The following DNM2 variants were observed in gnomAD, a reference collection of about 807,000 sequenced individuals.
The protein encoded by DNM2 is dynamin 2.
A neutral mutation model predicts 99.0 loss-of-function variants in DNM2; 15 were observed. The observed-to-expected ratio is 0.15, with a 90% CI of 0.10 to 0.23. The LOEUF (loss-of-function observed/expected upper bound fraction) is 0.23, where lower values mean the gene tolerates loss of function less well. Ranked by LOEUF, DNM2 falls within the 10% of genes least tolerant of loss-of-function variation. The pLI is 1.00. For synonymous variants in DNM2, 525 were observed against 481.2 expected (o/e 1.09, Z -1.19); for missense variants, 742 against 1,189.4 (o/e 0.62, Z 5.53).
At position 10,796,307 on chromosome 19, in the gene DNM2, C is replaced by T; in HGVS notation, c.1196+868C>T. The T allele has an allele frequency of 1.3e-6, 2 of 1,533,302 alleles. No individual in the cohort carries two copies. The highest frequency in any genetic ancestry group is 1.8e-6 in the Non-Finnish European group (2 of 1,113,892). The allele number at this position is 1,533,302 out of a possible 1,614,324, so 95.0% of individuals were successfully genotyped here. A position where few individuals can be genotyped will look rare whatever the true frequency, so the allele number is the denominator to read the frequency against. On this transcript the variant is annotated intron_variant, in intron 9 of 20. Transcript: ENST00000389253. The surrounding 1 kb of genome is among the most constrained non-coding windows in gnomAD (Gnocchi z 5.6). ...TGGCCCCCACTGGTGCCTTTTCTCC[C>T]CATATCGCTTTGTGTCCGTGAACTT... is the stretch of plus-strand genomic sequence containing the variant.
chr19:10,735,956 A>G (rs1754567891), intron 1 of DNM2, among the ~76,000 whole-genome samples: 1 of 152,082 alleles, frequency 6.6e-6, no homozygotes, highest in African/African-American at 2.4e-5. Context: ...CCAAAACCAC[A>G]TATCTTTCTT....
rs904253815 is a variant in DNM2, at chr19:10,718,174, G to C, written c.-69G>C. 6.7e-6 allele frequency: 9 copies of C among 1,334,114 alleles called. No individual in the cohort carries two copies. The African/African-American group carries it at 1.4e-4, about 21-fold the overall frequency. The allele number at this position is 1,334,114 out of a possible 1,614,324, so 82.6% of individuals were successfully genotyped here. ...GGGAGCAACGGCTACAGACGCCGCG[G>C]GGCCAGGTCGTTGAGGGTCGGCGGC... is the stretch of plus-strand genomic sequence containing the variant. On this transcript the variant is annotated 5_prime_UTR_variant, in exon 1 of 21. Transcript: ENST00000389253.
intron 2 of DNM2, among the ~76,000 whole-genome samples, chr19:10,761,092 G>A (rs948822592): frequency 4.0e-5 from 6 of 151,840 alleles, no homozygotes; most frequent in African/African-American, 7.3e-5. Context: ...GGGTTCAAGC[G>A]ATTCTCCTTC....
chr19:10,788,232 CAAAAAAA>C (rs55881063), intron 7 of DNM2, among the ~76,000 whole-genome samples: 27 of 56,988 alleles, frequency 4.7e-4, no homozygotes, highest in Non-Finnish European at 8.5e-4. Context: ...GACTCCGTCT[CAAAAAAA>C]AAAAAAAAAA....
Position 10,805,919 on chromosome 19 carries a change from C to G in DNM2, c.1497C>G (p.Ala499=), listed in dbSNP as rs766284922. The G allele has an allele frequency of 1.9e-6, 3 of 1,614,146 alleles. No homozygotes were observed. The highest frequency in any genetic ancestry group is 3.3e-5 in the Admixed American group (2 of 60,016). The part of the protein sequence containing the change: ...NHEDFIGFAN[A]QQRSTQLNKK... ...CCTGTCTGTTCTTTGGTTTCAGTGC[C>G]CAGCAGAGGAGCACGCAGCTGAACA... Residue 499 remains alanine (A), a synonymous_variant, in exon 13 of 21, where the codon GCC becomes GCG. Transcript: ENST00000389253.
intron 6 of DNM2, 27 bp downstream of exon 6, chr19:10,783,147 G>A (rs1453761062): frequency 1.9e-6 from 3 of 1,605,958 alleles, no homozygotes; most frequent in East Asian, 2.2e-5. Context: ...CACGTAGTGT[G>A]CAGTGGCATA....
chr19:10,809,517 C>T, intron 14 of DNM2: 1 of 152,472 alleles, frequency 6.6e-6, no homozygotes, highest in Non-Finnish European at 1.5e-5. Flanking sequence ...GAACCCTCAG[C>T]TGGGGCCCAG....
intron 2 of DNM2, chr19:10,763,054 C>T (rs1256870874): frequency 1.3e-5 from 2 of 152,958 alleles, no homozygotes; most frequent in African/African-American, 4.8e-5. Flanking sequence ...CATTTTCAGT[C>T]TCTGTCTCCT....
intron 1 of DNM2, among the ~76,000 whole-genome samples, chr19:10,740,102 T>C (rs1389263127): frequency 6.6e-6 from 1 of 152,042 alleles, no homozygotes; most frequent in Non-Finnish European, 1.5e-5. Flanking sequence ...TTCTGAAAGG[T>C]TGGTAGTGAT....
intron 5 of DNM2, 69 bp downstream of exon 5, chr19:10,777,285 A>G (rs1599532907): frequency 4.2e-6 from 6 of 1,439,338 alleles, no homozygotes; most frequent in Non-Finnish European, 2.9e-6. Flanking sequence ...AAACCCCAGC[A>G]CCTGTTCCCT....
intron 1 of DNM2, among the ~76,000 whole-genome samples, chr19:10,742,812 T>C (rs1245400949): frequency 6.6e-6 from 1 of 152,112 alleles, no homozygotes; most frequent in Admixed American, 6.6e-5. Context: ...GGTTTCCCCA[T>C]CTGCAAAACA....
At chr19:10,742,502 G>T (rs1354501260) in intron 1 of DNM2, among the ~76,000 whole-genome samples, 1 of 152,202 alleles carries the variant, frequency 6.6e-6, no homozygotes, top group Non-Finnish European at 1.5e-5. Flanking sequence ...GAAACTGAGG[G>T]CTGGGGAAGT....
intron 3 of DNM2, among the ~76,000 whole-genome samples, chr19:10,774,261 C>T (rs2071076750): frequency 6.6e-6 from 1 of 152,146 alleles, no homozygotes; most frequent in Admixed American, 6.5e-5. Context: ...GCTATGATCA[C>T]ATCTGTGAAT....
At chr19:10,801,043 C>T (rs1441456017) in intron 11 of DNM2, among the ~76,000 whole-genome samples, 4 of 152,350 alleles carry the variant, frequency 2.6e-5, no homozygotes, top group Middle Eastern at 3.4e-3. Context: ...CGGTGGCTCA[C>T]GCCTGTAGTC....
chr19:10,786,394 C>A, intron 6 of DNM2, 170 bp from the exon 7 acceptor site: 3 of 1,117,508 alleles, frequency 2.7e-6, no homozygotes, highest in Admixed American at 1.9e-5. Context: ...CGTTCCCAGA[C>A]ATGAGTGTGT....
chr19:10,725,403 G>A (rs941731528), intron 1 of DNM2, among the ~76,000 whole-genome samples: 19 of 148,816 alleles, frequency 1.3e-4, no homozygotes, highest in Admixed American at 3.4e-4. Context: ...CGGAGATCAC[G>A]CCATTGCACT....
At chr19:10,737,593 C>A (rs1178822813) in intron 1 of DNM2, among the ~76,000 whole-genome samples, 1 of 152,196 alleles carries the variant, frequency 6.6e-6, no homozygotes, top group Non-Finnish European at 1.5e-5. Flanking sequence ...TCAAGCGATT[C>A]TCCTGCCTCA....
At chr19:10,793,128 C>A (rs111385637) in intron 7 of DNM2, among the ~76,000 whole-genome samples, 1 of 152,162 alleles carries the variant, frequency 6.6e-6, no homozygotes, top group South Asian at 2.1e-4. Flanking sequence ...TGTGGGCACA[C>A]AAAATAACAG....
At chr19:10,757,372 C>T (rs558653217) in intron 1 of DNM2, among the ~76,000 whole-genome samples, 1 of 152,186 alleles carries the variant, frequency 6.6e-6, no homozygotes, top group South Asian at 2.1e-4. Context: ...ACATCTCCCC[C>T]CCGACGCCAG....
Sources: gnomAD v4.1 joint callset for allele counts (sites outside exome capture counted in the v4.1 genomes callset) on GRCh38, gnomAD v4.1.1 for gene constraint, Gnocchi (gnomAD v3.1) non-coding constraint, MANE v1.5 for transcripts, NCBI Gene and HGNC (gene_info 2026-07-23, HGNC 2026-07-21) for gene names.